The following STIM1 variants were observed in gnomAD, a reference collection of about 807,000 sequenced individuals.
STIM1 encodes the protein stromal interaction molecule 1.
In STIM1, 25 loss-of-function variants were observed where a neutral mutation model predicts 74.7. That is an observed-to-expected ratio of 0.33 (90% CI 0.24 to 0.47). STIM1 has a LOEUF of 0.47. Ranked by LOEUF, STIM1 falls within the 20% of genes least tolerant of loss-of-function variation. The probability of loss-of-function intolerance (pLI) is 1.00; values close to 1 mark genes in which losing one functional copy is unlikely to be tolerated. For synonymous variants in STIM1, 328 were observed against 348.8 expected, an observed-to-expected ratio of 0.94 and a Z score of 0.66; for missense variants, 728 against 920.8, an observed-to-expected ratio of 0.79 and a Z score of 2.71.
At chr11:4,066,788 T>C (rs2094368973) in intron 5 of STIM1, among the ~76,000 whole-genome samples, 1 of 152,172 alleles carries the variant, frequency 6.6e-6, no homozygotes, top group Admixed American at 6.5e-5. Context: ...TCACAGGAGA[T>C]GGAATGGAAG....
chr11:3,993,217 C>T (rs2093631859), intron 2 of STIM1, among the ~76,000 whole-genome samples: 1 of 152,132 alleles, frequency 6.6e-6, no homozygotes, highest in African/African-American at 2.4e-5. Context: ...ACTTATATTC[C>T]CCTTGTCACT....
chr11:4,082,145 A>G (rs201352599), intron 7 of STIM1, 39 bp from the exon 8 acceptor site: 42 of 1,608,870 alleles, frequency 2.6e-5, no homozygotes, highest in Non-Finnish European at 3.3e-5. Flanking sequence ...GGAGAGTCTT[A>G]GTAGCAGTAA....
At chr11:3,892,439 C>G (rs1055645330) in intron 1 of STIM1, 6 of 1,477,528 alleles carry the variant, frequency 4.1e-6, no homozygotes, top group Non-Finnish European at 5.7e-6. Flanking sequence ...GCTGGTCTTG[C>G]CATTCCTGGA....
intron 2 of STIM1, among the ~76,000 whole-genome samples, chr11:3,998,432 T>A (rs897310931): frequency 5.3e-5 from 8 of 152,192 alleles, no homozygotes; most frequent in Non-Finnish European, 1.0e-4. Flanking sequence ...GACAATTATG[T>A]CTTGACTAGC....
chr11:4,022,618 C>T (rs1481485151), intron 2 of STIM1, among the ~76,000 whole-genome samples: 2 of 152,092 alleles, frequency 1.3e-5, no homozygotes, highest in Non-Finnish European at 2.9e-5. Flanking sequence ...CATATATGGC[C>T]TTTATTGTGT....
upstream of STIM1, chr11:3,854,662 GGAGAAT>G (rs2090296910): frequency 6.6e-6 from 1 of 152,276 alleles, no homozygotes; most frequent in Non-Finnish European, 1.5e-5. Flanking sequence ...GAGGTAGCTG[GGAGAAT>G]GAGATGCAGG....
intron 2 of STIM1, among the ~76,000 whole-genome samples, chr11:3,968,012 C>T (rs1363846112): frequency 2.0e-5 from 3 of 152,192 alleles, no homozygotes; most frequent in African/African-American, 7.2e-5. Context: ...TCTTGCAATC[C>T]TGCTATAGAT....
intron 2 of STIM1, among the ~76,000 whole-genome samples, chr11:3,997,321 G>T (rs958143071): frequency 2.0e-5 from 3 of 152,140 alleles, no homozygotes; most frequent in African/African-American, 7.2e-5. Flanking sequence ...TTCCCCTAGT[G>T]GTGGAGATAG....
chr11:3,975,753 A>G (rs2093441790), intron 2 of STIM1, among the ~76,000 whole-genome samples: 1 of 152,258 alleles, frequency 6.6e-6, no homozygotes, highest in Non-Finnish European at 1.5e-5. Context: ...AAGATACTCA[A>G]TATTATTAAC....
rs1214690521 is a variant in STIM1 at position 3,941,696 on chromosome 11, A to AGAGAGAGAGAGAGT, written c.140-25855_140-25854insAGAGAGAGAGAGTG. The stretch of plus-strand genomic sequence containing the variant: ...TATAGAGAGAGAGAGAGAGAGAGAG[A>AGAGAGAGAGAGAGT]GTGTGTGTGTGTCTCAGTGTCACTG... On this transcript the variant is annotated intron_variant, in intron 1 of 12. Coordinates refer to ENST00000526596, the MANE Select transcript of STIM1 (RefSeq NM_001382567.1). Among the ~76,000 whole-genome samples the AGAGAGAGAGAGAGT allele has an allele frequency of 3.5e-4, 50 of 141,862 alleles. No individual in the cohort carries two copies. In the East Asian group the frequency reaches 4.4e-3, roughly 12 times the overall value. The allele number at this position is 141,862 out of a possible 152,430, so 93.1% of individuals were successfully genotyped here.
intron 2 of STIM1, chr11:3,989,094 A>G (rs1336801018): frequency 7.1e-7 from 1 of 1,398,826 alleles, no homozygotes; most frequent in Non-Finnish European, 9.8e-7. Context: ...AGTTGATAAA[A>G]ATATTCCTCT....
At chr11:4,037,754 T>G (rs2094115669) in intron 3 of STIM1, among the ~76,000 whole-genome samples, 1 of 152,160 alleles carries the variant, frequency 6.6e-6, no homozygotes, top group South Asian at 2.1e-4. Flanking sequence ...AATTGCATTA[T>G]TTAGACCATT....
chr11:4,069,494 G>A (rs1371999316), intron 5 of STIM1, among the ~76,000 whole-genome samples: 1 of 152,100 alleles, frequency 6.6e-6, no homozygotes, highest in Non-Finnish European at 1.5e-5. Context: ...TGAGACTTCT[G>A]GACCTTTCCC....
chr11:3,879,698 A>G (rs922302127), intron 1 of STIM1, among the ~76,000 whole-genome samples: 7 of 152,208 alleles, frequency 4.6e-5, no homozygotes, highest in African/African-American at 7.2e-5. Context: ...AACAGAAACT[A>G]TATCTCAGGT....
rs903579040 is a variant in STIM1 at position 3,956,026 on chromosome 11, A to G, written c.140-11526A>G. Among the ~76,000 whole-genome samples the G allele has an allele frequency of 2.6e-5, 4 of 152,060 alleles. No individual in the cohort carries two copies. The East Asian group carries it at 5.8e-4, about 22-fold the overall frequency. On this transcript the variant is annotated intron_variant, in intron 1 of 12. Transcript: ENST00000526596. ...CACTTCTAATATGAAGTTATAGAAAAAAAAAAAAAAGCAGGAGTTACTGGA... is the reference window on the plus strand; with the variant it reads ...CACTTCTAATATGAAGTTATAGAAAGAAAAAAAAAAGCAGGAGTTACTGGA...
At chr11:4,019,503 G>T (rs1384119711) in intron 2 of STIM1, among the ~76,000 whole-genome samples, 5 of 151,844 alleles carry the variant, frequency 3.3e-5, no homozygotes, top group Non-Finnish European at 7.4e-5. Context: ...GTGAGACACC[G>T]TGTGTACAAA....
intron 1 of STIM1, among the ~76,000 whole-genome samples, chr11:3,871,090 A>G (rs1367902453): frequency 6.6e-6 from 1 of 151,704 alleles, no homozygotes; most frequent in Non-Finnish European, 1.5e-5. Flanking sequence ...CTAGGATGGT[A>G]TCTCTTGACC....
chr11:3,874,152 T>C (rs1239581162), intron 1 of STIM1, among the ~76,000 whole-genome samples: 1 of 152,172 alleles, frequency 6.6e-6, no homozygotes, highest in Admixed American at 6.5e-5. Flanking sequence ...GCCAAACATT[T>C]TATGGTGGGG....
chr11:3,975,027 CA>C lies in STIM1; in HGVS notation c.270+7346del, dbSNP rs36015026. 1.8e-3 allele frequency among the ~76,000 whole-genome samples: 281 copies of C among 152,226 alleles called. 3 individuals are homozygous for C. In the East Asian group the frequency reaches 0.045, roughly 24 times the overall value. ...ATTCTTATTTAATACATATTAAAGCCAGGCACTATTCGAAGGCTAGGGATTC... is the reference window on the plus strand; with the variant it reads ...ATTCTTATTTAATACATATTAAAGCCGGCACTATTCGAAGGCTAGGGATTC... On this transcript the variant is annotated intron_variant, in intron 2 of 12. Transcript: ENST00000526596.
Sources: gnomAD v4.1 joint callset for allele counts (sites outside exome capture counted in the v4.1 genomes callset) on GRCh38, gnomAD v4.1.1 for gene constraint, MANE v1.5 for transcripts, NCBI Gene and HGNC (gene_info 2026-07-23, HGNC 2026-07-21) for gene names.